Variants in CCDC126 observed in about 807,000 individuals in gnomAD.
CCDC126 encodes the protein coiled-coil domain containing 126.
Under a neutral mutation model 11.7 loss-of-function variants are expected in CCDC126, and 5 were observed. That is an observed-to-expected ratio of 0.43 (90% CI 0.22 to 0.90). The LOEUF (loss-of-function observed/expected upper bound fraction) is 0.90. Ranked by LOEUF, CCDC126 falls within the 40% of genes least tolerant of loss-of-function variation. The pLI is 0.27. For missense variants in CCDC126, 150 were observed against 163.1 expected (o/e 0.92, Z 0.44); for synonymous variants, 60 against 61.9 (o/e 0.97, Z 0.14).
At chr7:23,622,709 T>C in intron 3 of CCDC126, 1 of 528,326 alleles carries the variant, frequency 1.9e-6, no homozygotes, top group Admixed American at 1.9e-5. Flanking sequence ...TCAGCATAAA[T>C]GTTACATTGT....
chr7:23,598,742 G>T (rs1288687408), intron 2 of CCDC126, among the ~76,000 whole-genome samples: 1 of 152,216 alleles, frequency 6.6e-6, no homozygotes. Flanking sequence ...CTTGTTTTGA[G>T]GAAAATGTTT....
At chr7:23,606,120 G>T (rs948821993) in intron 2 of CCDC126, among the ~76,000 whole-genome samples, 3 of 151,860 alleles carry the variant, frequency 2.0e-5, no homozygotes, top group African/African-American at 7.3e-5. Flanking sequence ...GTGCAGTCGC[G>T]TGATCTCTGC....
intron 2 of CCDC126, among the ~76,000 whole-genome samples, chr7:23,603,742 G>T (rs1241997211): frequency 6.6e-6 from 1 of 152,182 alleles, no homozygotes; most frequent in African/African-American, 2.4e-5. Context: ...ATTGCAGAGA[G>T]GTCACATTGC....
chr7:23,603,078 C>G (rs1782568766), intron 2 of CCDC126, among the ~76,000 whole-genome samples: 1 of 152,158 alleles, frequency 6.6e-6, no homozygotes, highest in Admixed American at 6.5e-5. Flanking sequence ...CACTGCCCCC[C>G]ACCCTCCACC....
Position 23,636,427 on chromosome 7 carries a change from C to T in CCDC126, c.239-6504C>T, listed in dbSNP as rs771332332. On this transcript the variant is annotated intron_variant, in intron 3 of 3. Transcript: ENST00000307471. The stretch of plus-strand genomic sequence containing the variant: ...ATCTAGGAAGCGAGGAGCGCCTCTT[C>T]GCCGCCGCCATCCCATCTAGGAAGT... Among the ~76,000 whole-genome samples, 216 of 150,650 alleles carry T rather than the reference C, an allele frequency of 1.4e-3. 1 individual carries two copies. Among genetic ancestry groups the T allele is most frequent in the Admixed American group, 3.2e-3 (48 of 15,146 alleles).
At chr7:23,597,790 C>G (rs920816839) in intron 1 of CCDC126, 177 bp from the exon 2 acceptor site, 5 of 152,144 alleles carry the variant, frequency 3.3e-5, no homozygotes, top group Non-Finnish European at 7.4e-5. Flanking sequence ...GGCTCTTTGT[C>G]CCTTCCTTTG....
At chr7:23,630,205 A>G (rs1783086128) in intron 3 of CCDC126, among the ~76,000 whole-genome samples, 1 of 152,220 alleles carries the variant, frequency 6.6e-6, no homozygotes, top group Non-Finnish European at 1.5e-5. Context: ...ACATTTTTCA[A>G]GAGTCCATGG....
chr7:23,619,274 C>T lies in CCDC126; in HGVS notation c.238+7721C>T, dbSNP rs527370395. 1.3e-4 allele frequency: 27 copies of T among 214,900 alleles called. No individual in the cohort carries two copies. In the East Asian group the frequency reaches 2.5e-3, roughly 20 times the overall value. 13.3% of individuals were successfully genotyped at this position (214,900 alleles called of 1,614,324 possible). A position where few individuals can be genotyped will look rare whatever the true frequency, so the allele number is the denominator to read the frequency against. On this transcript the variant is annotated intron_variant, in intron 3 of 3. Coordinates refer to ENST00000307471, the MANE Select transcript of CCDC126 (RefSeq NM_138771.4). ...TGACAGGTGCAGCAAATCACCATGG[C>T]GCAGGTTTACCTATGTAACAAACCT...
chr7:23,606,370 T>C (rs1416975356), intron 2 of CCDC126, among the ~76,000 whole-genome samples: 1 of 152,132 alleles, frequency 6.6e-6, no homozygotes, highest in Non-Finnish European at 1.5e-5. Context: ...ATAGTGGTTT[T>C]AATATACATT....
intron 3 of CCDC126, among the ~76,000 whole-genome samples, chr7:23,624,469 A>G (rs1782978513): frequency 6.6e-6 from 1 of 152,232 alleles, no homozygotes; most frequent in Non-Finnish European, 1.5e-5. Flanking sequence ...GATAACATAA[A>G]TAAGCAAAAG....
intron 3 of CCDC126, among the ~76,000 whole-genome samples, chr7:23,634,727 A>T (rs1783177085): frequency 6.6e-6 from 1 of 151,934 alleles, no homozygotes. Context: ...AAGGGAAGGT[A>T]TTTTTTCCCC....
intron 3 of CCDC126, among the ~76,000 whole-genome samples, chr7:23,626,395 A>T (rs1182326878): frequency 5.9e-5 from 9 of 152,220 alleles, no homozygotes; most frequent in Admixed American, 5.9e-4. Context: ...CTATACAAAT[A>T]AGCTAGTCAA....
At chr7:23,632,593 G>A (rs576146927) in intron 3 of CCDC126, among the ~76,000 whole-genome samples, 1 of 152,330 alleles carries the variant, frequency 6.6e-6, no homozygotes, top group Non-Finnish European at 1.5e-5. Context: ...TTGTGATATT[G>A]TATACAGTTT....
intron 3 of CCDC126, among the ~76,000 whole-genome samples, chr7:23,612,109 G>C (rs1782721591): frequency 6.8e-6 from 1 of 146,102 alleles, no homozygotes; most frequent in Admixed American, 7.0e-5. Flanking sequence ...TCGCGCCGCT[G>C]CACTCCATCC....
At chr7:23,625,756 T>C (rs963853276) in intron 3 of CCDC126, among the ~76,000 whole-genome samples, 1 of 147,920 alleles carries the variant, frequency 6.8e-6, no homozygotes, top group Non-Finnish European at 1.5e-5. Flanking sequence ...CCCAGGTTCA[T>C]GCCATTCTCC....
Position 23,643,070 on chromosome 7 carries a change from A to C in CCDC126, c.378A>C (p.Pro126=), listed in dbSNP as rs138522606. The C allele has an allele frequency of 3.7e-5, 59 of 1,614,198 alleles. No individual in the cohort carries two copies. The African/African-American group carries it at 7.7e-4, about 21-fold the overall frequency. ...ATGGTACTAGTGGGAATTTGGTGCC[A>C]GTAACCACAAATAAAAGAACGAATG... ...TTNGTSGNLV[P]VTTNKRTNVS... is the part of the protein sequence containing the mutation. The change falls in exon 4 of 4, where the codon CCA becomes CCC. Residue 126 remains proline, a synonymous_variant. Transcript: ENST00000307471.
rs957986858 is a variant in CCDC126, at chr7:23,611,235, C to CT, written c.-71dup. 4,974 of 722,102 alleles carry CT rather than the reference C, an allele frequency of 6.9e-3. No homozygotes were observed. The highest frequency in any genetic ancestry group is 8.3e-3 in the Non-Finnish European group (3,621 of 436,236). 44.7% of individuals were successfully genotyped at this position (722,102 alleles called of 1,614,324 possible). A position where few individuals can be genotyped will look rare whatever the true frequency, so the allele number is the denominator to read the frequency against. On this transcript the variant is annotated 5_prime_UTR_variant, in exon 3 of 4. Transcript: ENST00000307471. ...TATACAATATTGAGGATATTTTTTT[C>CT]TTTTTTTTTTCAAGTCTTGATTTGT...
At chr7:23,619,504 C>T in intron 3 of CCDC126, 3 of 365,882 alleles carry the variant, frequency 8.2e-6, no homozygotes, top group South Asian at 7.9e-5. Context: ...CCTATTTTTC[C>T]AATGTAATGC....
At chr7:23,602,193 T>TAATA (rs1386837428) in intron 2 of CCDC126, 1 of 152,212 alleles carries the variant, frequency 6.6e-6, no homozygotes, top group Non-Finnish European at 1.5e-5. Flanking sequence ...TTAATGCCTG[T>TAATA]AATAAATATA....
Sources: allele counts gnomAD v4.1 joint callset (sites outside exome capture counted in the v4.1 genomes callset), GRCh38; gene constraint gnomAD v4.1.1; transcripts MANE v1.5; gene names NCBI Gene and HGNC (gene_info 2026-07-23, HGNC 2026-07-21).